The following C14orf93 variants were observed in gnomAD, a reference collection of about 807,000 sequenced individuals.
The protein encoded by C14orf93 is chromosome 14 open reading frame 93.
In C14orf93, 23 loss-of-function variants were observed where a neutral mutation model predicts 44.0. The observed-to-expected ratio is 0.52, with a 90% confidence interval of 0.38 to 0.74. The LOEUF is 0.74. C14orf93 is among the 30% of genes least tolerant of loss of function. The probability of loss-of-function intolerance (pLI) is 0.00; values close to 1 mark genes in which losing one functional copy is unlikely to be tolerated. For synonymous variants in C14orf93, 253 were observed against 265.7 expected (o/e 0.95, Z 0.46); for missense variants, 579 against 678.9 (o/e 0.85, Z 1.64).
intron 3 of C14orf93, 103 bp from the exon 4 acceptor site, chr14:22,990,230 G>T: frequency 1.1e-6 from 1 of 942,856 alleles, no homozygotes; most frequent in Non-Finnish European, 1.6e-6. Flanking sequence ...GGGGCTCTCT[G>T]CCTGAATCCT....
intron 5 of C14orf93, 111 bp from the exon 6 acceptor site, chr14:22,988,126 G>T: frequency 4.3e-5 from 25 of 586,874 alleles, no homozygotes; most frequent in Non-Finnish European, 5.1e-5. Context: ...TCACTACTTA[G>T]ATGAGGGCTT....
chr14:22,998,749 C>T lies in C14orf93; in HGVS notation c.275G>A (p.Arg92His), dbSNP rs775155549. ...CAGGTCACCCACTTCCTCCTGGAGA[C>T]GTTTTAACAACTCATTGTTGGCCCT... ...LARANNELLK[R>H]LQEEVGDLRQ... Residue 92 changes from arginine to histidine, a missense_variant, in exon 2 of 7, where the codon CGT becomes CAT. Physicochemically the swap from Arg to His is conservative, Grantham distance 29. Transcript: ENST00000299088. 4.3e-6 allele frequency: 7 copies of T among 1,614,026 alleles called. No individual in the cohort carries two copies. The highest frequency in any genetic ancestry group is 5.9e-6 in the Non-Finnish European group (7 of 1,180,032).
Position 22,987,550 on chromosome 14 carries a change from A to T in C14orf93, c.1282T>A (p.Ser428Thr), listed in dbSNP as rs761742072. 8 of 1,614,080 alleles carry T rather than the reference A, an allele frequency of 5.0e-6. No homozygotes were observed. Among genetic ancestry groups the T allele is most frequent in the African/African-American group, 1.3e-5 (1 of 74,942 alleles). Residue 428 changes from serine to threonine, a missense_variant, in exon 7 of 7, where the codon TCA becomes ACA. Physicochemically the swap from Ser to Thr is moderately conservative, Grantham distance 58 (BLOSUM62 1). Transcript: ENST00000299088. The surrounding 1 kb of genome is among the most constrained non-coding windows in gnomAD (Gnocchi z 5.6). ...LWNDVTEELM[S>T]DEEDSLNEPG... ...TCGTTAAGACTGTCCTCTTCATCTGACATCAGTTCCTCTGTCACATCATTC... is the reference window on the plus strand; with the variant it reads ...TCGTTAAGACTGTCCTCTTCATCTGTCATCAGTTCCTCTGTCACATCATTC...
chr14:22,995,916 A>G (rs770791226), intron 3 of C14orf93, 32 bp downstream of exon 3: 4 of 1,529,862 alleles, frequency 2.6e-6, no homozygotes, highest in Non-Finnish European at 3.5e-6. Context: ...CTCCAGACTG[A>G]AGAAAAATTT....
intron 2 of C14orf93, 32 bp downstream of exon 2, chr14:22,998,395 T>G (rs1382777378): frequency 3.6e-5 from 54 of 1,481,624 alleles, no homozygotes; most frequent in Non-Finnish European, 4.7e-5. Context: ...GAAAAGCACC[T>G]AGGAGGAATA....
chr14:22,992,646 C>G (rs1348364396), intron 3 of C14orf93, among the ~76,000 whole-genome samples: 1 of 151,442 alleles, frequency 6.6e-6, no homozygotes, highest in South Asian at 2.1e-4. Flanking sequence ...GGCGTGATCT[C>G]GGCTCACTGC....
rs1398142655 is a variant in C14orf93 at position 22,986,314 on chromosome 14, C to T, written c.*901G>A. ...GTTCATTTCATTGCCTACTCCACTGCCTGGCTTCCTGACTAAACTAAAAAA... is the reference window on the plus strand; with the variant it reads ...GTTCATTTCATTGCCTACTCCACTGTCTGGCTTCCTGACTAAACTAAAAAA... On this transcript the variant is annotated 3_prime_UTR_variant, in exon 7 of 7. Transcript: ENST00000299088. The T allele has an allele frequency of 6.6e-6, 1 of 152,314 alleles. No individual in the cohort carries two copies. Among genetic ancestry groups the T allele is most frequent in the Non-Finnish European group, 1.5e-5 (1 of 68,120 alleles). 9.4% of individuals were successfully genotyped at this position (152,314 alleles called of 1,614,324 possible). A position where few individuals can be genotyped will look rare whatever the true frequency, so the allele number is the denominator to read the frequency against.
chr14:23,003,514 G>C (rs1267279088), intron 1 of C14orf93, among the ~76,000 whole-genome samples: 1 of 152,146 alleles, frequency 6.6e-6, no homozygotes, highest in Admixed American at 6.6e-5. Context: ...GCTGGGCCAG[G>C]CACGTGGCTT....
Position 22,986,224 on chromosome 14 carries a change from G to C in C14orf93, c.*991C>G, listed in dbSNP as rs1198704137. 1 of 152,186 alleles carries C rather than the reference G, an allele frequency of 6.6e-6. No individual in the cohort carries two copies. The highest frequency in any genetic ancestry group is 1.5e-5 in the Non-Finnish European group (1 of 68,056). 9.4% of individuals were successfully genotyped at this position (152,186 alleles called of 1,614,324 possible). A position where few individuals can be genotyped will look rare whatever the true frequency, so the allele number is the denominator to read the frequency against. Reference sequence around the variant, plus strand: ...GAAGCCTTTCCAGACTGCAAGAGTAGGTTAGCTACCCCTGCTGTATATTGC... The same window carrying C: ...GAAGCCTTTCCAGACTGCAAGAGTACGTTAGCTACCCCTGCTGTATATTGC... On this transcript the variant is annotated 3_prime_UTR_variant, in exon 7 of 7. Transcript: ENST00000299088.
chr14:22,998,895 G>A lies in C14orf93; in HGVS notation c.129C>T (p.Ser43=). 1 of 1,613,914 alleles carries A rather than the reference G, an allele frequency of 6.2e-7. No individual in the cohort carries two copies. Among genetic ancestry groups the A allele is most frequent in the Middle Eastern group, 1.6e-4 (1 of 6,062 alleles). ...TGSQGGNPPP[S]TPITVTGHGL... ...CATGTCCAGTCACTGTGATGGGGGTGCTGGGAGGAGGATTCCCACCCTGGG... is the reference window on the plus strand; with the variant it reads ...CATGTCCAGTCACTGTGATGGGGGTACTGGGAGGAGGATTCCCACCCTGGG... The change falls in exon 2 of 7, where the codon AGC becomes AGT. Residue 43 remains serine, a synonymous_variant. Transcript: ENST00000299088.
chr14:22,993,269 C>T (rs1333637564), intron 3 of C14orf93, among the ~76,000 whole-genome samples: 1 of 152,236 alleles, frequency 6.6e-6, no homozygotes, highest in Non-Finnish European at 1.5e-5. Flanking sequence ...GTGGAAGTTA[C>T]CCAGTCCCAA....
rs1009994313 is a variant in C14orf93, at chr14:22,996,116, G to A, written c.750C>T (p.Arg250=). 4 of 1,613,986 alleles carry A rather than the reference G, an allele frequency of 2.5e-6. No individual in the cohort carries two copies. The highest frequency in any genetic ancestry group is 2.7e-5 in the African/African-American group (2 of 74,980). The change falls in exon 3 of 7, where the codon CGC becomes CGT. Residue 250 remains arginine (R), a synonymous_variant. Transcript: ENST00000299088. The surrounding 1 kb of genome is among the most constrained non-coding windows in gnomAD (Gnocchi z 4.1). ...CAGCGGCATTGAGCATGTCCTCAGG[G>A]CGGGGTGGTGGCAGCTTGGTTCCAT... ...PENGTKLPPP[R]PEDMLNAAAA...
intron 4 of C14orf93, 97 bp downstream of exon 4, chr14:22,989,969 C>T: frequency 3.5e-6 from 5 of 1,421,270 alleles, no homozygotes; most frequent in Middle Eastern, 1.8e-4. Context: ...ATGGTGAGAT[C>T]AAAGCCTTAG....
intron 5 of C14orf93, among the ~76,000 whole-genome samples, chr14:22,989,359 GC>G (rs1470631263): frequency 6.6e-6 from 1 of 152,178 alleles, no homozygotes; most frequent in Non-Finnish European, 1.5e-5. Flanking sequence ...ACAAAAGAGA[GC>G]AAGGAAAGAG....
At chr14:23,003,501 T>C (rs1308304984) in intron 1 of C14orf93, among the ~76,000 whole-genome samples, 1 of 152,088 alleles carries the variant, frequency 6.6e-6, no homozygotes, top group Non-Finnish European at 1.5e-5. Context: ...TTAAAGAAGG[T>C]GAGCTGGGCC....
chr14:22,987,496 G>A lies in C14orf93; in HGVS notation c.1336C>T (p.Arg446Cys), dbSNP rs201625315. The change falls in exon 7 of 7, where the codon CGT becomes TGT. Residue 446 changes from arginine (R) to cysteine (C), a missense_variant. By Grantham distance (180) the Arg-to-Cys change is radical. Coordinates refer to ENST00000299088, the MANE Select transcript of C14orf93 (RefSeq NM_021944.4). The surrounding 1 kb of genome is among the most constrained non-coding windows in gnomAD (Gnocchi z 5.6). The part of the protein sequence containing the change: ...EPGVWVARPP[R>C]FRAQRLTELC... ...TCTGTGAGGCGCTGGGCCCGGAAAC[G>A]GGGAGGGCGGGCCACCCACACACCT... 70 of 1,614,222 alleles carry A rather than the reference G, an allele frequency of 4.3e-5. No individual in the cohort carries two copies. The highest frequency in any genetic ancestry group is 6.7e-5 in the East Asian group (3 of 44,894).
In C14orf93 at chr14:22,996,265, C is replaced by T; in HGVS notation, c.601G>A (p.Val201Met). 6.5e-7 allele frequency: 1 copy of T among 1,544,224 alleles called. No homozygotes were observed. Among genetic ancestry groups the T allele is most frequent in the African/African-American group, 1.4e-5 (1 of 72,974 alleles). ...CCCTCAGAGGCCACGTAATCATCCA[C>T]CAGCTAAGAACATAAAAAATAATAG... ...SEAAPLLNPL[V>M]DDYVASEGAV... The change falls in exon 3 of 7, where the codon GTG becomes ATG. Residue 201 changes from valine to methionine, a missense_variant. Val to Met is a conservative substitution (Grantham distance 21). Coordinates refer to ENST00000299088, the MANE Select transcript of C14orf93 (RefSeq NM_021944.4). The surrounding 1 kb of genome is among the most constrained non-coding windows in gnomAD (Gnocchi z 4.1).
chr14:23,008,628 T>C (rs2046752251), intron 1 of C14orf93, among the ~76,000 whole-genome samples: 1 of 152,226 alleles, frequency 6.6e-6, no homozygotes, highest in Non-Finnish European at 1.5e-5. Context: ...CAAATTTGGA[T>C]ACAGATATTT....
intron 4 of C14orf93, 106 bp downstream of exon 4, chr14:22,989,960 T>A: frequency 7.1e-7 from 1 of 1,408,348 alleles, no homozygotes; most frequent in South Asian, 1.2e-5. Context: ...TAAGAAGGTA[T>A]GGTGAGATCA....
Sources: allele counts gnomAD v4.1 joint callset (sites outside exome capture counted in the v4.1 genomes callset), GRCh38; gene constraint gnomAD v4.1.1; non-coding constraint Gnocchi (gnomAD v3.1); transcripts MANE v1.5; gene names NCBI Gene and HGNC (gene_info 2026-07-23, HGNC 2026-07-21).